Variants in XIRP2 observed in about 807,000 individuals in gnomAD.
XIRP2 encodes the protein xin actin-binding repeat-containing protein 2.
In XIRP2, 236 loss-of-function variants were observed where a neutral mutation model predicts 277.0. The ratio of observed to expected loss-of-function variants is 0.85; its 90% CI spans 0.77 to 0.95. The LOEUF is 0.95. Ranked by LOEUF, XIRP2 falls within the 40% of genes least tolerant of loss-of-function variation. The pLI is 0.00. For synonymous variants in XIRP2, 1,490 were observed against 1,416.5 expected (o/e 1.05, Z -1.17); for missense variants, 4,640 against 4,157.5 (o/e 1.12, Z -3.19).
At chr2:166,966,392 T>G (rs942341026) in intron 2 of XIRP2, among the ~76,000 whole-genome samples, 1 of 151,794 alleles carries the variant, frequency 6.6e-6, no homozygotes, top group Non-Finnish European at 1.5e-5. Flanking sequence ...GAGCTAAAAT[T>G]TTTTTACATA....
chr2:167,249,521 T>C lies in XIRP2; in HGVS notation c.8129T>C (p.Val2710Ala). The change falls in exon 9 of 11, where the codon GTT (valine) becomes GCT (alanine). Residue 2710 changes from valine to alanine, a missense_variant. Coordinates refer to ENST00000409195, the MANE Select transcript of XIRP2 (RefSeq NM_152381.6). ...AAACCAATTTCCCCAAATTTCAAAG[T>C]TAAAACCATCAAACTTCCAACTCTA... The part of the protein sequence containing the change: ...QSKPISPNFK[V>A]KTIKLPTLDH... 3 of 1,613,650 alleles carry C rather than the reference T, an allele frequency of 1.9e-6. No homozygotes were observed. Among genetic ancestry groups the C allele is most frequent in the South Asian group, 2.2e-5 (2 of 91,070 alleles).
chr2:167,110,847 T>C (rs1173097362), intron 2 of XIRP2, among the ~76,000 whole-genome samples: 4 of 152,180 alleles, frequency 2.6e-5, no homozygotes, highest in African/African-American at 9.7e-5. Flanking sequence ...CTGGTTTCTT[T>C]GAGCAGTATT....
chr2:167,054,453 G>A (rs1688993808), intron 2 of XIRP2, among the ~76,000 whole-genome samples: 1 of 152,170 alleles, frequency 6.6e-6, no homozygotes, highest in Non-Finnish European at 1.5e-5. Flanking sequence ...GGAGACCAAG[G>A]CCAGTGGATC....
chr2:167,009,739 T>A (rs887448933), intron 2 of XIRP2, among the ~76,000 whole-genome samples: 10 of 152,146 alleles, frequency 6.6e-5, no homozygotes, highest in Non-Finnish European at 1.5e-4. Context: ...GTTTCCTGAC[T>A]TTTTAATGAT....
chr2:167,248,103 AAC>A lies in XIRP2; in HGVS notation c.6712_6713del (p.Thr2238GlnfsTer7), dbSNP rs749764225. 9.3e-6 allele frequency: 15 copies of A among 1,613,310 alleles called. No individual in the cohort carries two copies. The East Asian group carries it at 3.3e-4, about 36-fold the overall frequency. ...SEKSHNTFKA[T>X]NKKRETDVHL... ...AAAAAAGTCACAATACATTTAAGGC[AAC>A]CAACAAAAAGCGGGAGACTGATGTT... is the stretch of plus-strand genomic sequence containing the variant. On this transcript the variant is annotated frameshift_variant, in exon 9 of 11. Transcript: ENST00000409195. LOFTEE classifies it high-confidence loss of function.
At chr2:167,145,033 A>C (rs2105326595) in intron 3 of XIRP2, among the ~76,000 whole-genome samples, 1 of 152,314 alleles carries the variant, frequency 6.6e-6, no homozygotes, top group South Asian at 2.1e-4. Flanking sequence ...CTGCATCAAA[A>C]GATAACCTTG....
chr2:167,016,242 T>A (rs2105478036), intron 2 of XIRP2, among the ~76,000 whole-genome samples: 1 of 152,044 alleles, frequency 6.6e-6, no homozygotes, highest in South Asian at 2.1e-4. Context: ...CTCTGTTGAT[T>A]ATTGCATATC....
chr2:166,924,237 A>G (rs1345688187), intron 2 of XIRP2, among the ~76,000 whole-genome samples: 1 of 152,072 alleles, frequency 6.6e-6, no homozygotes, highest in African/African-American at 2.4e-5. Context: ...CCAAGTGTTG[A>G]AAGAAATACC....
intron 3 of XIRP2, among the ~76,000 whole-genome samples, chr2:167,141,675 C>T (rs986801004): frequency 6.6e-6 from 1 of 151,958 alleles, no homozygotes; most frequent in Non-Finnish European, 1.5e-5. Context: ...CCAGCTTGGG[C>T]AACATAGCAA....
At chr2:167,230,770 T>C (rs1694725650) in intron 5 of XIRP2, among the ~76,000 whole-genome samples, 1 of 152,088 alleles carries the variant, frequency 6.6e-6, no homozygotes. Context: ...CCTTGTACTT[T>C]ACTTTTCCTG....
chr2:166,958,495 C>T (rs1006547267), intron 2 of XIRP2, among the ~76,000 whole-genome samples: 2 of 151,662 alleles, frequency 1.3e-5, no homozygotes, highest in African/African-American at 4.8e-5. Context: ...GTTTGGAGCC[C>T]TAGTACCCAC....
intron 2 of XIRP2, among the ~76,000 whole-genome samples, chr2:166,963,285 G>A: frequency 6.6e-6 from 1 of 151,512 alleles, no homozygotes; most frequent in East Asian, 1.9e-4. Flanking sequence ...TATTTATTTA[G>A]CAGTCCTTTT....
chr2:166,966,845 C>T (rs949346629), intron 2 of XIRP2, among the ~76,000 whole-genome samples: 10 of 151,970 alleles, frequency 6.6e-5, no homozygotes, highest in African/African-American at 2.4e-4. Flanking sequence ...GTCTAAGTGG[C>T]ATATATCTTA....
At chr2:167,136,807 A>T (rs960916201) in intron 3 of XIRP2, among the ~76,000 whole-genome samples, 3 of 152,190 alleles carry the variant, frequency 2.0e-5, no homozygotes, top group Admixed American at 2.0e-4. Flanking sequence ...ACAAATTTTA[A>T]GATATCGTTT....
At position 167,127,493 on chromosome 2, in the gene XIRP2, A is replaced by G. The variant is rs561427135; in HGVS notation, c.409-8416A>G. Reference sequence around the variant, plus strand: ...CTGTTTCTCCTCTACTGCCTTCACCAGATAATCTTTGTTTGCCCCCCAAAT... The same window carrying G: ...CTGTTTCTCCTCTACTGCCTTCACCGGATAATCTTTGTTTGCCCCCCAAAT... On this transcript the variant is annotated intron_variant, in intron 2 of 10. Transcript: ENST00000409195. Among the ~76,000 whole-genome samples, 3 of 152,270 alleles carry G rather than the reference A, an allele frequency of 2.0e-5. No individual in the cohort carries two copies. The East Asian group carries it at 5.8e-4, about 29-fold the overall frequency.
At chr2:167,023,210 G>A (rs908253656) in intron 2 of XIRP2, among the ~76,000 whole-genome samples, 15 of 152,090 alleles carry the variant, frequency 9.9e-5, no homozygotes, top group African/African-American at 2.7e-4. Context: ...GGCCATTGAC[G>A]GTTAGCATTT....
At chr2:167,026,133 G>A (rs1252609787) in intron 2 of XIRP2, among the ~76,000 whole-genome samples, 1 of 152,108 alleles carries the variant, frequency 6.6e-6, no homozygotes, top group Non-Finnish European at 1.5e-5. Flanking sequence ...ATGAATCTGG[G>A]TGCTCCTGTA....
At chr2:167,037,777 T>G in intron 2 of XIRP2, among the ~76,000 whole-genome samples, 1 of 151,982 alleles carries the variant, frequency 6.6e-6, no homozygotes, top group South Asian at 2.1e-4. Flanking sequence ...CAAGAGTCTA[T>G]GTAAAGAATT....
chr2:167,220,737 C>G (rs1054085693), intron 5 of XIRP2, among the ~76,000 whole-genome samples: 2 of 152,164 alleles, frequency 1.3e-5, no homozygotes, highest in Non-Finnish European at 2.9e-5. Context: ...CAAGAGGATG[C>G]TGATTGGCTT....
Sources: gnomAD v4.1 joint callset for allele counts (sites outside exome capture counted in the v4.1 genomes callset) on GRCh38, gnomAD v4.1.1 for gene constraint, MANE v1.5 for transcripts, NCBI Gene and HGNC (gene_info 2026-07-23, HGNC 2026-07-21) for gene names.